LARGE1: variants seen among roughly 807,000 people sequenced by gnomAD.
LARGE1 encodes LARGE xylosyl- and glucuronyltransferase 1, also known as xylosyl- and glucuronyltransferase LARGE1.
Under a neutral mutation model 87.6 loss-of-function variants are expected in LARGE1, and 43 were observed. That is an observed-to-expected ratio of 0.49 (90% CI 0.38 to 0.63). The LOEUF (loss-of-function observed/expected upper bound fraction) is 0.63. Among genes scored for constraint, LARGE1 ranks in the 30% least tolerant of loss-of-function variants. The pLI is 0.00. For synonymous variants in LARGE1, 434 were observed against 394.6 expected, an observed-to-expected ratio of 1.10 and a Z score of -1.18; for missense variants, 802 against 1,000.2, an observed-to-expected ratio of 0.80 and a Z score of 2.67.
intron 1 of LARGE1, among the ~76,000 whole-genome samples, chr22:33,773,598 G>A (rs1317101929): frequency 1.3e-5 from 2 of 152,166 alleles, no homozygotes; most frequent in African/African-American, 4.8e-5. Context: ...TATATAACAA[G>A]CAAACTCCAA....
At position 33,384,300 on chromosome 22, in the gene LARGE1, C is replaced by G. The variant is rs532067255; in HGVS notation, c.897G>C (p.Val299=). The stretch of plus-strand genomic sequence containing the variant: ...GCAGCTTATCCAGAAGTAACAGGAT[C>G]ACCCCTGGGCAACAGCACAGGATAA... ...PALGRGYNTG[V]ILLLLDKLRK... The change falls in exon 8 of 15, where the codon GTG becomes GTC. Residue 299 remains valine (V), a synonymous_variant. Coordinates refer to ENST00000397394, the MANE Select transcript of LARGE1 (RefSeq NM_133642.5). 34 of 1,610,960 alleles carry G rather than the reference C, an allele frequency of 2.1e-5. 1 individual carries two copies. In the South Asian group the frequency reaches 3.7e-4, roughly 18 times the overall value.
chr22:33,719,722 A>G (rs1032445734), intron 2 of LARGE1, among the ~76,000 whole-genome samples: 6 of 151,988 alleles, frequency 3.9e-5, no homozygotes, highest in South Asian at 2.1e-4. Context: ...GGGTTTCACC[A>G]TATTAGCCAG....
chr22:33,463,694 A>G (rs1167492189), intron 6 of LARGE1, among the ~76,000 whole-genome samples: 6 of 152,142 alleles, frequency 3.9e-5, no homozygotes, highest in Admixed American at 1.3e-4. Flanking sequence ...TTTTTTTGAG[A>G]CAGAGTCTTA....
chr22:33,365,515 A>C (rs1287460425), intron 9 of LARGE1, among the ~76,000 whole-genome samples: 1 of 152,070 alleles, frequency 6.6e-6, no homozygotes, highest in Non-Finnish European at 1.5e-5. Context: ...GACTGTTTAC[A>C]TGTTTTACAG....
chr22:33,833,129 C>G (rs1023123039), intron 1 of LARGE1, among the ~76,000 whole-genome samples: 3 of 152,204 alleles, frequency 2.0e-5, no homozygotes, highest in Non-Finnish European at 4.4e-5. Flanking sequence ...GTAGAGGTAG[C>G]TGACTTTTAT....
chr22:33,564,072 G>T (rs898791388), intron 6 of LARGE1, among the ~76,000 whole-genome samples: 1 of 152,116 alleles, frequency 6.6e-6, no homozygotes, highest in East Asian at 1.9e-4. Flanking sequence ...ACACAGAAGG[G>T]GCTAGCGTGC....
chr22:33,103,398 A>G, the LARGE1 span, among the ~76,000 whole-genome samples: 2 of 124,160 alleles, frequency 1.6e-5, no homozygotes, highest in African/African-American at 3.1e-5. Flanking sequence ...GTGCCACTGC[A>G]CTCCAGCCTG....
At chr22:33,366,498 A>T in intron 9 of LARGE1, among the ~76,000 whole-genome samples, 1 of 152,218 alleles carries the variant, frequency 6.6e-6, no homozygotes, top group Admixed American at 6.5e-5. Context: ...GGATTTTTCA[A>T]TGCTAAATCA....
At chr22:33,685,790 A>G (rs548122780) in intron 2 of LARGE1, among the ~76,000 whole-genome samples, 4 of 152,324 alleles carry the variant, frequency 2.6e-5, no homozygotes, top group African/African-American at 9.6e-5. Context: ...ACATGTGCCA[A>G]CAAAACTTCA....
chr22:33,158,565 C>T (rs975920), downstream of LARGE1, among the ~76,000 whole-genome samples: 69,987 of 151,834 alleles, frequency 0.46, 16,284 homozygotes, highest in South Asian at 0.69. Context: ...ATATTTATTA[C>T]AATACAAAAA....
chr22:33,601,907 C>G (rs1310576964), intron 5 of LARGE1, among the ~76,000 whole-genome samples: 1 of 152,186 alleles, frequency 6.6e-6, no homozygotes, highest in Non-Finnish European at 1.5e-5. Flanking sequence ...GTAGGCCTGA[C>G]AGAGTCAGAG....
rs891657034 is a variant in LARGE1, at chr22:33,282,725, C to T, written c.1877+477G>A. Among the ~76,000 whole-genome samples, 4 of 152,298 alleles carry T rather than the reference C, an allele frequency of 2.6e-5. No individual in the cohort carries two copies. The South Asian group carries it at 6.2e-4, about 24-fold the overall frequency. On this transcript the variant is annotated intron_variant, in intron 13 of 14. Coordinates refer to ENST00000397394, the MANE Select transcript of LARGE1 (RefSeq NM_133642.5). ...TGAAGTTGTTGACACAACGGCTACA[C>T]GTCCCCCAGGCCTCAGGGGCTCAAA...
At chr22:33,639,795 T>C (rs2080374245) in intron 3 of LARGE1, among the ~76,000 whole-genome samples, 1 of 152,146 alleles carries the variant, frequency 6.6e-6, no homozygotes, top group Admixed American at 6.5e-5. Flanking sequence ...AGGGGATCGT[T>C]CTGCTCCAAC....
intron 6 of LARGE1, among the ~76,000 whole-genome samples, chr22:33,511,297 T>C (rs1459615798): frequency 3.3e-5 from 5 of 152,202 alleles, no homozygotes; most frequent in Non-Finnish European, 7.3e-5. Context: ...TAATACCCCA[T>C]GTGGTAATAT....
intron 1 of LARGE1, 87 bp from the exon 2 acceptor site, chr22:33,761,645 G>A (rs1388382955): frequency 3.0e-6 from 2 of 674,228 alleles, no homozygotes; most frequent in South Asian, 1.6e-5. Flanking sequence ...CATAGATCCT[G>A]AAAGGGGTTC....
At chr22:33,257,360 C>T (rs1276451074) in intron 11 of LARGE1, among the ~76,000 whole-genome samples, 2 of 151,850 alleles carry the variant, frequency 1.3e-5, no homozygotes, top group Admixed American at 6.6e-5. Context: ...TGGTGAAATC[C>T]CATCGCTACA....
chr22:33,712,269 C>T (rs2082754227), intron 2 of LARGE1, among the ~76,000 whole-genome samples: 1 of 152,162 alleles, frequency 6.6e-6, no homozygotes, highest in Non-Finnish European at 1.5e-5. Flanking sequence ...GCCTGGATTG[C>T]AGGCCTAACA....
intron 11 of LARGE1, among the ~76,000 whole-genome samples, 162 bp from the exon 12 acceptor site, chr22:33,304,669 G>C (rs965057232): frequency 1.3e-5 from 2 of 152,184 alleles, no homozygotes; most frequent in African/African-American, 2.4e-5. Context: ...CTATAAAACA[G>C]GCATCAAAAC....
intron 5 of LARGE1, among the ~76,000 whole-genome samples, chr22:33,586,261 G>A (rs775548615): frequency 3.3e-5 from 5 of 152,138 alleles, no homozygotes; most frequent in African/African-American, 4.8e-5. Context: ...GTAGGCGCTC[G>A]CATGCACACA....
Sources: allele counts gnomAD v4.1 joint callset (sites outside exome capture counted in the v4.1 genomes callset), GRCh38; gene constraint gnomAD v4.1.1; transcripts MANE v1.5; gene names NCBI Gene and HGNC (gene_info 2026-07-23, HGNC 2026-07-21).